The following STK10 variants were observed in gnomAD, a reference collection of about 807,000 sequenced individuals.
STK10 encodes the protein serine/threonine kinase 10.
A neutral mutation model predicts 113.8 loss-of-function variants in STK10; 78 were observed. That is an observed-to-expected ratio of 0.69 (90% CI 0.57 to 0.83). The LOEUF is 0.83. STK10 is among the 40% of genes least tolerant of loss of function. STK10 has a pLI of 0.00. For synonymous variants in STK10, 465 were observed against 494.7 expected, an observed-to-expected ratio of 0.94 and a Z score of 0.80; for missense variants, 1,109 against 1,280.1, an observed-to-expected ratio of 0.87 and a Z score of 2.04.
Position 172,093,932 on chromosome 5 carries a change from G to T in STK10, c.1034C>A (p.Ser345Tyr). Reference protein sequence around the residue: ...STLENHTQNSSEVSPPSLNAD... With the variant: ...STLENHTQNSYEVSPPSLNAD... Reference sequence around the variant, plus strand: ...ATTGAGGCTTGGCGGACTCACCTCAGAGGAGTTCTGAGTATGGTTCTCCAG... The same window carrying T: ...ATTGAGGCTTGGCGGACTCACCTCATAGGAGTTCTGAGTATGGTTCTCCAG... Residue 345 changes from serine (S) to tyrosine (Y), a missense_variant, in exon 9 of 19, where the codon TCT becomes TAT. This residue lies in a region of STK10 where 885 missense variants were observed against 991.1 expected (regional missense o/e 0.89). Transcript: ENST00000176763. This position sits in a 1 kb window ranked among gnomAD's most constrained non-coding sequence, Gnocchi z 4.1. The T allele has an allele frequency of 6.6e-7, 1 of 1,513,744 alleles. No homozygotes were observed. The highest frequency in any genetic ancestry group is 8.8e-7 in the Non-Finnish European group (1 of 1,130,538). 93.8% of individuals were successfully genotyped at this position (1,513,744 alleles called of 1,614,324 possible).
chr5:172,080,847 T>C (rs1768412132), intron 12 of STK10, among the ~76,000 whole-genome samples: 1 of 152,262 alleles, frequency 6.6e-6, no homozygotes, highest in Non-Finnish European at 1.5e-5. Flanking sequence ...TTGATGAAAG[T>C]GGCTGCACTA....
chr5:172,063,536 G>C (rs541028389), intron 13 of STK10: 1 of 152,322 alleles, frequency 6.6e-6, no homozygotes, highest in Admixed American at 6.5e-5. Context: ...GCCAAAGGAT[G>C]TGTACATCTT....
At chr5:172,064,590 A>G in intron 13 of STK10, 130 bp downstream of exon 13, 1 of 890,738 alleles carries the variant, frequency 1.1e-6, no homozygotes, top group Non-Finnish European at 1.8e-6. Flanking sequence ...ATGAAGGATG[A>G]GGCCAGATTT....
chr5:172,047,446 G>A (rs1333697221), intron 18 of STK10, among the ~76,000 whole-genome samples: 4 of 152,226 alleles, frequency 2.6e-5, no homozygotes, highest in African/African-American at 9.6e-5. Flanking sequence ...TTTCCTGATT[G>A]CAGAACCAAC....
chr5:172,102,046 G>C (rs927626599), intron 7 of STK10, among the ~76,000 whole-genome samples: 1 of 152,118 alleles, frequency 6.6e-6, no homozygotes, highest in Non-Finnish European at 1.5e-5. Flanking sequence ...GAGCCACTGG[G>C]GAGCTTTGGC....
chr5:172,106,629 G>T lies in STK10; in HGVS notation c.779C>A (p.Pro260His), dbSNP rs1159577833. 1 of 1,612,130 alleles carries T rather than the reference G, an allele frequency of 6.2e-7. No individual in the cohort carries two copies. The highest frequency in any genetic ancestry group is 8.5e-7 in the Non-Finnish European group (1 of 1,179,822). ...TGCCCCTGCCCCTCACCACTTAGAGGGCGTGAGCAGCGTGGGAGGGTCCGA... is the reference window on the plus strand; with the variant it reads ...TGCCCCTGCCCCTCACCACTTAGAGTGCGTGAGCAGCGTGGGAGGGTCCGA... ...AKSDPPTLLT[P>H]SKWSVEFRDF... is the part of the protein sequence containing the mutation. The change falls in exon 6 of 19, where the codon CCC becomes CAC. Residue 260 changes from proline (P) to histidine (H), a missense_variant. This residue lies in a region of STK10 where 885 missense variants were observed against 991.1 expected (regional missense o/e 0.89). Transcript: ENST00000176763.
intron 10 of STK10, among the ~76,000 whole-genome samples, chr5:172,087,629 T>A (rs547576853): frequency 1.0e-5 from 1 of 99,114 alleles, no homozygotes; most frequent in African/African-American, 5.0e-5. Flanking sequence ...ATTTATTTTT[T>A]TTTTTTTTTT....
At chr5:172,094,588 C>T (rs1208200629) in intron 8 of STK10, among the ~76,000 whole-genome samples, 2 of 152,080 alleles carry the variant, frequency 1.3e-5, no homozygotes, top group South Asian at 2.1e-4. Flanking sequence ...TTCAGTATGT[C>T]ACCCAGGCTG....
At chr5:172,181,360 C>T (rs1221532597) in intron 1 of STK10, among the ~76,000 whole-genome samples, 1 of 152,154 alleles carries the variant, frequency 6.6e-6, no homozygotes, top group Non-Finnish European at 1.5e-5. Flanking sequence ...TCCCATAAGG[C>T]CTCTGGTTTT....
At chr5:172,117,667 CCCTGGACACAGGAAA>C in intron 3 of STK10, 37 bp from the exon 4 acceptor site, 1 of 1,609,846 alleles carries the variant, frequency 6.2e-7, no homozygotes, top group Non-Finnish European at 8.5e-7. Flanking sequence ...ATTCAGTAAG[CCCTGGACACAGGAAA>C]CTGAAATGTC....
rs776637131 is a variant in STK10 at position 172,082,373 on chromosome 5, G to C, written c.1942C>G (p.Arg648Gly). ...TGCTCTTGGAACCTGGTGTAGTCCC[G>C]ATCCTGCTCCAGGCGGATCCGCCTG... is the stretch of plus-strand genomic sequence containing the variant. Reference protein sequence around the residue: ...EARRIRLEQDRDYTRFQEQLK... With the variant: ...EARRIRLEQDGDYTRFQEQLK... Residue 648 changes from arginine to glycine, a missense_variant, in exon 12 of 19, where the codon CGG (arginine) becomes GGG (glycine). Arg to Gly is a moderately radical substitution (Grantham distance 125, BLOSUM62 -2). Around this residue, in one of 5 missense-constraint regions of STK10, gnomAD observed 885 missense variants for 991.1 expected, o/e 0.89. Transcript: ENST00000176763. The surrounding 1 kb of genome is among the most constrained non-coding windows in gnomAD (Gnocchi z 4.3). 15 of 1,602,510 alleles carry C rather than the reference G, an allele frequency of 9.4e-6. No homozygotes were observed. Among genetic ancestry groups the C allele is most frequent in the South Asian group, 3.4e-5 (3 of 89,534 alleles).
intron 10 of STK10, among the ~76,000 whole-genome samples, chr5:172,087,571 G>A (rs563476503): frequency 1.3e-5 from 2 of 151,094 alleles, no homozygotes; most frequent in South Asian, 4.2e-4. Context: ...CACTACACCT[G>A]GCCTATGCTT....
intron 12 of STK10, among the ~76,000 whole-genome samples, chr5:172,074,611 C>G (rs922029864): frequency 2.0e-5 from 3 of 152,064 alleles, no homozygotes; most frequent in African/African-American, 7.2e-5. Context: ...AATTGTAAAA[C>G]TTCTAAAGCA....
chr5:172,128,547 T>C (rs1004769384), intron 2 of STK10, among the ~76,000 whole-genome samples: 10 of 152,196 alleles, frequency 6.6e-5, no homozygotes, highest in Admixed American at 3.9e-4. Flanking sequence ...GCCAGGCTGG[T>C]CTCAAACATC....
rs759411084 is a variant in STK10 at position 172,117,434 on chromosome 5, CA to C, written c.520+46del. ...CCTGCAGAGGCCAGGCCAACACCCC[CA>C]GGCAGACACCCTGTGGCTCCACCTT... On this transcript the variant is annotated intron_variant, in intron 4 of 18. Coordinates refer to ENST00000176763, the MANE Select transcript of STK10 (RefSeq NM_005990.4). The C allele has an allele frequency of 2.5e-6, 4 of 1,602,232 alleles. No individual in the cohort carries two copies. The Admixed American group carries it at 5.0e-5, about 20-fold the overall frequency.
intron 7 of STK10, among the ~76,000 whole-genome samples, chr5:172,101,509 T>A (rs1455451776): frequency 1.3e-5 from 2 of 151,284 alleles, no homozygotes; most frequent in Non-Finnish European, 2.9e-5. Context: ...TTAGCAAATA[T>A]TTGCTGAGGG....
intron 1 of STK10, among the ~76,000 whole-genome samples, chr5:172,175,176 G>A (rs887194078): frequency 3.9e-5 from 6 of 152,050 alleles, no homozygotes; most frequent in Non-Finnish European, 5.9e-5. Flanking sequence ...CACCACGCCT[G>A]GCTAATTTTT....
intron 4 of STK10, among the ~76,000 whole-genome samples, chr5:172,110,827 C>A (rs535586037): frequency 6.6e-6 from 1 of 152,160 alleles, no homozygotes; most frequent in African/African-American, 2.4e-5. Flanking sequence ...AAGGTCCACT[C>A]GTGGCAAAAG....
At chr5:172,168,859 C>T (rs965470236) in intron 1 of STK10, among the ~76,000 whole-genome samples, 1 of 152,126 alleles carries the variant, frequency 6.6e-6, no homozygotes, top group African/African-American at 2.4e-5. Context: ...CCTCCTTCCC[C>T]TCTTTCCCTC....
Sources: allele counts gnomAD v4.1 joint callset (sites outside exome capture counted in the v4.1 genomes callset), GRCh38; gene constraint gnomAD v4.1.1; regional missense constraint gnomAD v4.1.1; non-coding constraint Gnocchi (gnomAD v3.1); transcripts MANE v1.5; gene names NCBI Gene and HGNC (gene_info 2026-07-23, HGNC 2026-07-21).